Variants in EPHX2 observed in about 807,000 individuals in gnomAD.
EPHX2 encodes the protein epoxide hydrolase 2, also known as bifunctional epoxide hydrolase 2.
In EPHX2, 74 loss-of-function variants were observed where a neutral mutation model predicts 78.7. The ratio of observed to expected loss-of-function variants is 0.94; its 90% CI spans 0.78 to 1.14. The LOEUF (loss-of-function observed/expected upper bound fraction) is 1.14. Among genes scored for constraint, EPHX2 ranks in the 50% most tolerant of loss-of-function variants. The pLI, the probability that EPHX2 is intolerant of heterozygous loss-of-function variation, is 0.00. For missense variants in EPHX2, 715 were observed against 702.5 expected (o/e 1.02, Z -0.20); for synonymous variants, 251 against 255.2 (o/e 0.98, Z 0.16).
intron 12 of EPHX2, among the ~76,000 whole-genome samples, chr8:27,529,889 CA>C (rs56851108): frequency 0.42 from 38,044 of 90,090 alleles, 7,435 homozygotes; most frequent in African/African-American, 0.68. Flanking sequence ...CCAGCCTGAG[CA>C]AAAAAAAAAA....
Position 27,505,003 on chromosome 8 carries a change from G to A in EPHX2, c.394G>A (p.Glu132Lys). 6.2e-7 allele frequency: 1 copy of A among 1,614,162 alleles called. No homozygotes were observed. Among genetic ancestry groups the A allele is most frequent in the Non-Finnish European group, 8.5e-7 (1 of 1,180,026 alleles). ...CAACACCTGGCTGGACGACCGTGCT[G>A]AGAGAGATGGCCTGGCCCAGCTGAT... ...LTNTWLDDRA[E>K]RDGLAQLMCE... Residue 132 changes from glutamate to lysine, a missense_variant, in exon 4 of 19, where the codon GAG becomes AAG. Coordinates refer to ENST00000521400, the MANE Select transcript of EPHX2 (RefSeq NM_001979.6).
chr8:27,516,457 C>T (rs996969671), intron 8 of EPHX2, 59 bp downstream of exon 8: 5 of 1,498,192 alleles, frequency 3.3e-6, no homozygotes, highest in Non-Finnish European at 4.6e-6. Context: ...TGCCTGAGCG[C>T]TCCACGCCTC....
At chr8:27,519,743 T>C (rs1045648185) in intron 9 of EPHX2, among the ~76,000 whole-genome samples, 1 of 152,216 alleles carries the variant, frequency 6.6e-6, no homozygotes, top group African/African-American at 2.4e-5. Context: ...TTTTGGAGGC[T>C]GGAAGTCTAA....
intron 7 of EPHX2, 86 bp downstream of exon 7, chr8:27,515,899 A>G: frequency 8.5e-7 from 1 of 1,172,200 alleles, no homozygotes; most frequent in Non-Finnish European, 1.3e-6. Context: ...GTCGTGAGGA[A>G]GCTGAAACCT....
intron 4 of EPHX2, among the ~76,000 whole-genome samples, chr8:27,505,964 T>C (rs1813990652): frequency 6.6e-6 from 1 of 152,190 alleles, no homozygotes; most frequent in Non-Finnish European, 1.5e-5. Context: ...TTTCTTCTCT[T>C]TTTATTTATT....
chr8:27,503,591 T>A lies in EPHX2; in HGVS notation c.187-13T>A. 6.2e-7 allele frequency: 1 copy of A among 1,601,920 alleles called. No homozygotes were observed. Among genetic ancestry groups the A allele is most frequent in the Non-Finnish European group, 8.5e-7 (1 of 1,173,204 alleles). ...GTGGCCATACAAATTGTCCCCTCACTTCACTTTGACAGTGGATACCACTCA... is the reference window on the plus strand; with the variant it reads ...GTGGCCATACAAATTGTCCCCTCACATCACTTTGACAGTGGATACCACTCA... On this transcript the variant is annotated splice_polypyrimidine_tract_variant and intron_variant, in intron 2 of 18. Transcript: ENST00000521400.
At chr8:27,503,512 G>A (rs1366351862) in intron 2 of EPHX2, 92 bp from the exon 3 acceptor site, 1 of 1,397,308 alleles carries the variant, frequency 7.2e-7, no homozygotes, top group Non-Finnish European at 9.7e-7. Flanking sequence ...GAATTGCTTG[G>A]TCACAGGGAA....
At chr8:27,537,493 T>C (rs1457310674) in intron 13 of EPHX2, among the ~76,000 whole-genome samples, 1 of 152,244 alleles carries the variant, frequency 6.6e-6, no homozygotes, top group African/African-American at 2.4e-5. Flanking sequence ...CTTCTGTCAT[T>C]GCTTGTGAGT....
rs758007869 is a variant in EPHX2 at position 27,500,983 on chromosome 8, T to G, written c.159T>G (p.Leu53=). 1 of 1,613,450 alleles carries G rather than the reference T, an allele frequency of 6.2e-7. No individual in the cohort carries two copies. Among genetic ancestry groups the G allele is most frequent in the East Asian group, 2.2e-5 (1 of 44,854 alleles). Residue 53 remains leucine (L), a synonymous_variant, in exon 2 of 19, where the codon CTT becomes CTG. Coordinates refer to ENST00000521400, the MANE Select transcript of EPHX2 (RefSeq NM_001979.6). ...GACCAGAGGGTGCCACTACCCGGCT[T>G]ATGAAAGGAGAGATCACACTTTCCC... is the stretch of plus-strand genomic sequence containing the variant. ...KGGPEGATTR[L]MKGEITLSQW...
At chr8:27,518,117 G>A (rs1289048162) in intron 9 of EPHX2, 45 bp downstream of exon 9, 5 of 1,564,856 alleles carry the variant, frequency 3.2e-6, no homozygotes, top group Non-Finnish European at 4.3e-6. Flanking sequence ...TGCGATTTTT[G>A]TTGCTATAAA....
chr8:27,548,038 A>G (rs1177622701), downstream of EPHX2, among the ~76,000 whole-genome samples: 1 of 152,198 alleles, frequency 6.6e-6, no homozygotes, highest in Non-Finnish European at 1.5e-5. Flanking sequence ...CACACCCTCC[A>G]GCAGTGGGTT....
chr8:27,520,796 T>G, intron 9 of EPHX2, 87 bp from the exon 10 acceptor site: 2 of 1,534,386 alleles, frequency 1.3e-6, no homozygotes, highest in South Asian at 1.1e-5. Context: ...CACAGCAGTT[T>G]TGGGGAGGAC....
intron 12 of EPHX2, among the ~76,000 whole-genome samples, chr8:27,535,686 T>C (rs1056014993): frequency 2.0e-5 from 3 of 152,102 alleles, no homozygotes; most frequent in African/African-American, 7.2e-5. Context: ...ATGGATCTCT[T>C]GTCACCTTCC....
At chr8:27,506,449 A>G (rs1178641440) in intron 4 of EPHX2, among the ~76,000 whole-genome samples, 1 of 152,192 alleles carries the variant, frequency 6.6e-6, no homozygotes, top group African/African-American at 2.4e-5. Flanking sequence ...TAGAAACTAA[A>G]TTCTTATTTG....
At chr8:27,512,905 G>A (rs1458119385) in intron 6 of EPHX2, among the ~76,000 whole-genome samples, 1 of 152,162 alleles carries the variant, frequency 6.6e-6, no homozygotes, top group Non-Finnish European at 1.5e-5. Context: ...AGACCATGGG[G>A]CATAGTATCC....
intron 11 of EPHX2, among the ~76,000 whole-genome samples, chr8:27,522,836 C>G (rs960101404): frequency 4.6e-5 from 7 of 151,942 alleles, no homozygotes; most frequent in Non-Finnish European, 7.4e-5. Context: ...TGGCGTGCAC[C>G]TATACTCCCA....
At chr8:27,544,274 G>A in intron 18 of EPHX2, 30 bp downstream of exon 18, 5 of 1,613,106 alleles carry the variant, frequency 3.1e-6, no homozygotes, top group Non-Finnish European at 4.2e-6. Flanking sequence ...CTGGGGTCGG[G>A]GAGAGCAGGG....
chr8:27,503,881 G>A (rs550721510), intron 3 of EPHX2, 118 bp downstream of exon 3: 2 of 1,310,326 alleles, frequency 1.5e-6, no homozygotes, highest in South Asian at 1.6e-5. Context: ...ACGATGGAAA[G>A]CCTCTTTAAA....
intron 15 of EPHX2, 79 bp downstream of exon 15, chr8:27,540,735 A>T (rs1815371819): frequency 2.2e-6 from 3 of 1,390,282 alleles, no homozygotes; most frequent in Admixed American, 1.7e-5. Flanking sequence ...GTGGAGGGTG[A>T]GGCCCAGTTC....
Sources: gnomAD v4.1 joint callset for allele counts (sites outside exome capture counted in the v4.1 genomes callset) on GRCh38, gnomAD v4.1.1 for gene constraint, MANE v1.5 for transcripts, NCBI Gene and HGNC (gene_info 2026-07-23, HGNC 2026-07-21) for gene names.